Variants in HEG1 observed in about 807,000 individuals in gnomAD.
HEG1 encodes protein HEG homolog 1.
A neutral mutation model predicts 125.6 loss-of-function variants in HEG1; 56 were observed. The ratio of observed to expected loss-of-function variants is 0.45; its 90% CI spans 0.36 to 0.56. The LOEUF is 0.56. HEG1 is among the 20% of genes least tolerant of loss of function. The probability of loss-of-function intolerance (pLI) is 0.00; values close to 1 mark genes in which losing one functional copy is unlikely to be tolerated. For missense variants in HEG1, 1,523 were observed against 1,670.0 expected, an observed-to-expected ratio of 0.91 and a Z score of 1.53; for synonymous variants, 644 against 668.5, an observed-to-expected ratio of 0.96 and a Z score of 0.57.
intron 1 of HEG1, among the ~76,000 whole-genome samples, chr3:125,034,190 T>A (rs1253008578): frequency 2.5e-5 from 1 of 39,534 alleles, no homozygotes; most frequent in African/African-American, 7.3e-5. Context: ...TTTTATCATT[T>A]ATTGAGAAAA....
intron 15 of HEG1, among the ~76,000 whole-genome samples, chr3:124,977,077 A>G (rs924956538): frequency 1.3e-5 from 2 of 152,104 alleles, no homozygotes; most frequent in East Asian, 3.8e-4. Flanking sequence ...TCATGATAGT[A>G]AATGAGTCTC....
intron 2 of HEG1, among the ~76,000 whole-genome samples, 181 bp downstream of exon 2, chr3:125,029,014 G>A (rs953811997): frequency 6.6e-6 from 1 of 152,212 alleles, no homozygotes; most frequent in East Asian, 1.9e-4. Flanking sequence ...CTGCACCCTT[G>A]TCTGGTCTGT....
At position 125,013,738 on chromosome 3, in the gene HEG1, T is replaced by A; in HGVS notation, c.1841A>T (p.Tyr614Phe). The A allele has an allele frequency of 6.2e-7, 1 of 1,614,022 alleles. No individual in the cohort carries two copies. Among genetic ancestry groups the A allele is most frequent in the Non-Finnish European group, 8.5e-7 (1 of 1,179,888 alleles). ...AGAAGGCTGAGCATATTCCCCGTCA[T>A]AGGATGAGATGTTACTTCTCTCAGT... The part of the protein sequence containing the change: ...AQTERSNISS[Y>F]DGEYAQPSTE... The change falls in exon 6 of 17, where the codon TAT becomes TTT. Residue 614 changes from tyrosine (Y) to phenylalanine (F), a missense_variant. Coordinates refer to ENST00000311127, the MANE Select transcript of HEG1 (RefSeq NM_020733.2).
chr3:124,972,621 C>T (rs145551115), intron 16 of HEG1, among the ~76,000 whole-genome samples: 1 of 152,298 alleles, frequency 6.6e-6, no homozygotes, highest in East Asian at 1.9e-4. Flanking sequence ...ACCATTAAGT[C>T]CCCATGGGGC....
At chr3:124,982,634 T>C (rs1936673837) in intron 14 of HEG1, among the ~76,000 whole-genome samples, 1 of 152,230 alleles carries the variant, frequency 6.6e-6, no homozygotes, top group African/African-American at 2.4e-5. Context: ...CAACAGCACA[T>C]TCTGGGCCTT....
chr3:125,002,391 C>CCTGAAAAT, intron 9 of HEG1, 76 bp from the exon 10 acceptor site: 1 of 1,254,532 alleles, frequency 8.0e-7, no homozygotes, highest in Non-Finnish European at 1.1e-6. Context: ...TTCCTATTTT[C>CCTGAAAAT]AGGATAAAAC....
intron 14 of HEG1, among the ~76,000 whole-genome samples, chr3:124,978,429 G>A (rs1455493800): frequency 6.6e-6 from 1 of 152,150 alleles, no homozygotes; most frequent in Non-Finnish European, 1.5e-5. Context: ...TTACAGGCGT[G>A]AGCCACCGCG....
chr3:124,977,881 C>T lies in HEG1; in HGVS notation c.3799G>A (p.Ala1267Thr), dbSNP rs201910585. Residue 1267 changes from alanine (A) to threonine (T), a missense_variant, in exon 15 of 17, where the codon GCA becomes ACA. Ala to Thr is a moderately conservative substitution (Grantham distance 58, BLOSUM62 0). Transcript: ENST00000311127. ...TACCTGCAACAGGTAACAATCAGTG[C>T]GATGCCTAGGATGAGCAGGAGCCCA... ...GGGLLLILGI[A>T]LIVTCCRKNK... is the part of the protein sequence containing the mutation. 1.4e-4 allele frequency: 227 copies of T among 1,575,402 alleles called. No homozygotes were observed. Among genetic ancestry groups the T allele is most frequent in the Non-Finnish European group, 1.9e-4 (216 of 1,160,240 alleles).
At chr3:125,005,494 C>A (rs1457034796) in intron 8 of HEG1, 126 bp from the exon 9 acceptor site, 2 of 574,254 alleles carry the variant, frequency 3.5e-6, no homozygotes, top group Non-Finnish European at 6.0e-6. Flanking sequence ...ATTTCTTTCT[C>A]CTTATGGGTG....
intron 14 of HEG1, among the ~76,000 whole-genome samples, chr3:124,981,233 C>CT (rs11461179): frequency 0.89 from 126,305 of 142,210 alleles, 56,449 homozygotes; most frequent in Non-Finnish European, 0.95. Flanking sequence ...TCACTTTTTC[C>CT]TTTTTTTTTT....
At chr3:125,007,339 A>G (rs1356939801) in intron 8 of HEG1, among the ~76,000 whole-genome samples, 3 of 151,512 alleles carry the variant, frequency 2.0e-5, no homozygotes, top group Non-Finnish European at 4.4e-5. Flanking sequence ...CCCTGCACTC[A>G]CTCCAGGCAG....
intron 1 of HEG1, among the ~76,000 whole-genome samples, chr3:125,032,250 C>T (rs1937509716): frequency 6.6e-6 from 1 of 152,204 alleles, no homozygotes; most frequent in South Asian, 2.1e-4. Flanking sequence ...CTTCTAGAAG[C>T]AGTGGCTCAC....
At chr3:124,976,000 G>A (rs1203595728) in intron 15 of HEG1, among the ~76,000 whole-genome samples, 1 of 152,176 alleles carries the variant, frequency 6.6e-6, no homozygotes, top group Non-Finnish European at 1.5e-5. Flanking sequence ...GTTTTTGTGT[G>A]AGTATACCTT....
intron 3 of HEG1, among the ~76,000 whole-genome samples, chr3:125,024,447 G>A (rs1019157455): frequency 6.6e-6 from 1 of 152,150 alleles, no homozygotes; most frequent in Non-Finnish European, 1.5e-5. Context: ...CTTCAAAAGG[G>A]AGCTTTTTTC....
chr3:124,979,217 G>T (rs1299420435), intron 14 of HEG1, among the ~76,000 whole-genome samples: 1 of 152,102 alleles, frequency 6.6e-6, no homozygotes, highest in Non-Finnish European at 1.5e-5. Flanking sequence ...CTCCCAAAGT[G>T]CTGGGATTAC....
intron 14 of HEG1, among the ~76,000 whole-genome samples, chr3:124,989,694 C>T (rs970663448): frequency 4.6e-5 from 7 of 152,174 alleles, no homozygotes; most frequent in Admixed American, 1.3e-4. Context: ...CCACCTGGAG[C>T]AGAGAGGACT....
rs1219969320 is a variant in HEG1, at chr3:124,967,224, T to C, written c.*3428A>G. ...AGTTCACAAAAATATGCTTCCAGTA[T>C]GTGGGAGCCATGGCCTTACCACGGG... On this transcript the variant is annotated 3_prime_UTR_variant, in exon 17 of 17. Coordinates refer to ENST00000311127, the MANE Select transcript of HEG1 (RefSeq NM_020733.2). 1.3e-5 allele frequency: 2 copies of C among 152,228 alleles called. No homozygotes were observed. Among genetic ancestry groups the C allele is most frequent in the Non-Finnish European group, 2.9e-5 (2 of 68,048 alleles). 9.4% of individuals were successfully genotyped at this position (152,228 alleles called of 1,614,324 possible). A position where few individuals can be genotyped will look rare whatever the true frequency, so the allele number is the denominator to read the frequency against.
At chr3:124,978,987 G>A (rs114117235) in intron 14 of HEG1, among the ~76,000 whole-genome samples, 2,916 of 144,084 alleles carry the variant, frequency 0.02, 32 homozygotes, top group Non-Finnish European at 0.029. Context: ...TCTTGCTCTT[G>A]TTGCCCAGTC....
At chr3:124,979,116 A>AT (rs940777958) in intron 14 of HEG1, among the ~76,000 whole-genome samples, 2 of 151,712 alleles carry the variant, frequency 1.3e-5, no homozygotes, top group African/African-American at 4.8e-5. Context: ...TGCCCTGCTA[A>AT]TTTTTTTGTG....
Sources: gnomAD v4.1 joint callset for allele counts (sites outside exome capture counted in the v4.1 genomes callset) on GRCh38, gnomAD v4.1.1 for gene constraint, MANE v1.5 for transcripts, NCBI Gene and HGNC (gene_info 2026-07-23, HGNC 2026-07-21) for gene names.